The following PIGN variants were observed in gnomAD, a reference collection of about 807,000 sequenced individuals.
PIGN encodes the protein GPI ethanolamine phosphate transferase 1.
A neutral mutation model predicts 125.4 loss-of-function variants in PIGN; 117 were observed. That is an observed-to-expected ratio of 0.93 (90% CI 0.80 to 1.09). The LOEUF (loss-of-function observed/expected upper bound fraction) is 1.09, where lower values mean the gene tolerates loss of function less well. Among genes scored for constraint, PIGN ranks in the 50% least tolerant of loss-of-function variants. PIGN has a pLI of 0.00. For missense variants in PIGN, 1,075 were observed against 1,094.9 expected, an observed-to-expected ratio of 0.98 and a Z score of 0.26; for synonymous variants, 392 against 377.8, an observed-to-expected ratio of 1.04 and a Z score of -0.44.
rs2030521294 is a variant in PIGN, at chr18:62,044,479, T to C, written c.*1377A>G. 1 of 152,240 alleles carries C rather than the reference T, an allele frequency of 6.6e-6. No homozygotes were observed. Among genetic ancestry groups the C allele is most frequent in the Non-Finnish European group, 1.5e-5 (1 of 68,040 alleles). The allele number at this position is 152,240 out of a possible 1,614,324, so 9.4% of individuals were successfully genotyped here. ...AGATTTTATGCTATGAACTGATGCA[T>C]GAGATTTCATAAAACATTAATACCT... is the stretch of plus-strand genomic sequence containing the variant. On this transcript the variant is annotated 3_prime_UTR_variant, in exon 31 of 31. Transcript: ENST00000640252.
chr18:62,170,792 T>C (rs548835663), intron 1 of PIGN, among the ~76,000 whole-genome samples: 2 of 152,308 alleles, frequency 1.3e-5, no homozygotes, highest in Admixed American at 6.5e-5. Context: ...AGTTTGTAAA[T>C]GCAAAGGAAA....
intron 17 of PIGN, among the ~76,000 whole-genome samples, chr18:62,108,946 A>C (rs1456371931): frequency 6.6e-6 from 1 of 152,194 alleles, no homozygotes; most frequent in African/African-American, 2.4e-5. Context: ...AGTCAAAGCT[A>C]AAGTTAAGAA....
intron 25 of PIGN, among the ~76,000 whole-genome samples, chr18:62,086,860 C>T (rs1052013380): frequency 1.3e-5 from 2 of 150,154 alleles, no homozygotes; most frequent in African/African-American, 2.4e-5. Flanking sequence ...GCCACAGGGA[C>T]TTTAGAAGTG....
intron 4 of PIGN, among the ~76,000 whole-genome samples, chr18:62,160,297 G>A (rs991719606): frequency 1.3e-5 from 2 of 152,096 alleles, no homozygotes; most frequent in Non-Finnish European, 2.9e-5. Context: ...ATTGTTTGTA[G>A]GCCCTTTGTA....
At position 62,170,425 on chromosome 18, in the gene PIGN, CTATT is replaced by C. The variant is rs139639058; in HGVS notation, c.-235-6773_-235-6770del. On this transcript the variant is annotated intron_variant, in intron 1 of 30. Transcript: ENST00000640252. ...GCAATTATTTCAAACTTTTTCATTACTATTGTCAGTTATGTTGATCTACGATCAG... is the reference window on the plus strand; with the variant it reads ...GCAATTATTTCAAACTTTTTCATTACGTCAGTTATGTTGATCTACGATCAG... Among the ~76,000 whole-genome samples, 819 of 152,224 alleles carry C rather than the reference CTATT, an allele frequency of 5.4e-3. 4 individuals carry two copies. Among genetic ancestry groups the C allele is most frequent in the African/African-American group, 0.019 (776 of 41,534 alleles).
chr18:62,187,019 A>G lies in PIGN; in HGVS notation c.-411T>C, dbSNP rs554881990. 1.8e-3 allele frequency: 272 copies of G among 153,068 alleles called. No individual in the cohort carries two copies. Among genetic ancestry groups the G allele is most frequent in the East Asian group, 6.2e-3 (32 of 5,194 alleles). The allele number at this position is 153,068 out of a possible 1,614,324, so 9.5% of individuals were successfully genotyped here. Reference sequence around the variant, plus strand: ...ACCCCTCAATTCCGGAACGCCCCCAATACCTGCCCGGCCGCTGCTGCTATC... The same window carrying G: ...ACCCCTCAATTCCGGAACGCCCCCAGTACCTGCCCGGCCGCTGCTGCTATC... On this transcript the variant is annotated 5_prime_UTR_variant, in exon 1 of 31. Transcript: ENST00000640252.
chr18:62,139,877 C>G (rs2036072174), intron 12 of PIGN, among the ~76,000 whole-genome samples: 1 of 152,174 alleles, frequency 6.6e-6, no homozygotes, highest in South Asian at 2.1e-4. Context: ...TCCAGATATC[C>G]TGGTTCCAGG....
intron 14 of PIGN, among the ~76,000 whole-genome samples, chr18:62,117,544 GC>G (rs202150063): frequency 7.8e-5 from 11 of 140,660 alleles, no homozygotes; most frequent in Admixed American, 2.1e-4. Flanking sequence ...TTATTCCTCA[GC>G]CCCCCCCTCT....
chr18:62,022,037 G>C lies in PIGN; in HGVS notation c.2143-4296C>G, dbSNP rs573446741. Reference sequence around the variant, plus strand: ...TCTTAGTCCTTGAGGCTGCCGTCAGGCCCTGGCCATGTGGCCCTTCCACAA... The same window carrying C: ...TCTTAGTCCTTGAGGCTGCCGTCAGCCCCTGGCCATGTGGCCCTTCCACAA... On this transcript the variant is annotated intron_variant, in intron 23 of 24. Transcript: ENST00000639600. 3.0e-4 allele frequency among the ~76,000 whole-genome samples: 45 copies of C among 152,214 alleles called. 1 individual carries two copies. Among genetic ancestry groups the C allele is most frequent in the Admixed American group, 2.9e-3 (45 of 15,294 alleles).
rs753994789 is a variant in PIGN at position 62,107,054 on chromosome 18, C to T, written c.1606G>A (p.Val536Met). The T allele has an allele frequency of 1.0e-5, 16 of 1,588,082 alleles. No individual in the cohort carries two copies. The highest frequency in any genetic ancestry group is 1.7e-4 in the Middle Eastern group (1 of 6,044). Residue 536 changes from valine to methionine, a missense_variant, in exon 18 of 31, where the codon GTG becomes ATG. Val to Met is a conservative substitution (Grantham distance 21). Transcript: ENST00000640252. ...FQVIQDLVVS[V>M]LTYPLSHFVG... Reference sequence around the variant, plus strand: ...AAATGGCTCAGAGGATAGGTCAACACTGATACAACAAGGTCCTGAATAACT... The same window carrying T: ...AAATGGCTCAGAGGATAGGTCAACATTGATACAACAAGGTCCTGAATAACT...
At position 62,176,075 on chromosome 18, in the gene PIGN, A is replaced by G. The variant is rs185995443; in HGVS notation, c.-236+10769T>C. Among the ~76,000 whole-genome samples, 146 of 152,336 alleles carry G rather than the reference A, an allele frequency of 9.6e-4. 1 individual carries two copies. The highest frequency in any genetic ancestry group is 3.4e-3 in the African/African-American group (142 of 41,584). Reference sequence around the variant, plus strand: ...TTTTTATTTTTAAATAACTTATTTAATGAGATATATAACTAGGCTATAAAA... The same window carrying G: ...TTTTTATTTTTAAATAACTTATTTAGTGAGATATATAACTAGGCTATAAAA... On this transcript the variant is annotated intron_variant, in intron 1 of 30. Coordinates refer to ENST00000640252, the MANE Select transcript of PIGN (RefSeq NM_176787.5).
chr18:62,042,055 T>G lies in PIGN; in HGVS notation c.*3801A>C, dbSNP rs1366855958. 4.6e-5 allele frequency: 7 copies of G among 152,158 alleles called. No homozygotes were observed. Among genetic ancestry groups the G allele is most frequent in the South Asian group, 2.1e-4 (1 of 4,822 alleles). 9.4% of individuals were successfully genotyped at this position (152,158 alleles called of 1,614,324 possible). A position where few individuals can be genotyped will look rare whatever the true frequency, so the allele number is the denominator to read the frequency against. ...ACTCTTTTCAGCTGGGTGAGGCAGC[T>G]CACGCCTGTAATCCCAGCACTTTGG... is the stretch of plus-strand genomic sequence containing the variant. On this transcript the variant is annotated 3_prime_UTR_variant, in exon 31 of 31. Transcript: ENST00000640252.
chr18:62,028,822 G>A (rs2030158356), intron 23 of PIGN, among the ~76,000 whole-genome samples: 1 of 152,244 alleles, frequency 6.6e-6, no homozygotes, highest in Non-Finnish European at 1.5e-5. Flanking sequence ...ATTATCATCA[G>A]AGGAAGAAAG....
At chr18:62,025,989 A>G (rs950273075) in intron 23 of PIGN, among the ~76,000 whole-genome samples, 5 of 152,154 alleles carry the variant, frequency 3.3e-5, no homozygotes, top group African/African-American at 1.2e-4. Flanking sequence ...CCAGTATCAG[A>G]GCTGTGAAAT....
intron 23 of PIGN, among the ~76,000 whole-genome samples, chr18:62,035,170 C>G (rs1257781136): frequency 6.6e-6 from 1 of 152,160 alleles, no homozygotes; most frequent in African/African-American, 2.4e-5. Flanking sequence ...CACCTTCCAC[C>G]ATGATTGTGA....
chr18:62,079,226 G>A (rs1333765764), intron 28 of PIGN, among the ~76,000 whole-genome samples: 1 of 152,212 alleles, frequency 6.6e-6, no homozygotes, highest in African/African-American at 2.4e-5. Context: ...TCTCCTTAGA[G>A]AAGTCTCCCT....
chr18:62,161,213 C>T lies in PIGN; in HGVS notation c.141G>A (p.Val47=). The change falls in exon 4 of 31, where the codon GTG becomes GTA. Residue 47 remains valine, a synonymous_variant. Coordinates refer to ENST00000640252, the MANE Select transcript of PIGN (RefSeq NM_176787.5). ...CTCGAAGGCCATCAGCAACAAACAA[C>T]ACTAATCTTCTCGCTGGAGGAGGCA... is the stretch of plus-strand genomic sequence containing the variant. ...TPLPPPARRL[V]LFVADGLRAD... is the part of the protein sequence containing the mutation. The T allele has an allele frequency of 6.2e-7, 1 of 1,613,900 alleles. No homozygotes were observed. Among genetic ancestry groups the T allele is most frequent in the South Asian group, 1.1e-5 (1 of 91,076 alleles).
chr18:62,124,000 C>T (rs2035409241), intron 14 of PIGN, among the ~76,000 whole-genome samples: 2 of 151,806 alleles, frequency 1.3e-5, no homozygotes, highest in African/African-American at 4.8e-5. Context: ...AATTATGAGC[C>T]CTAATGCATG....
At chr18:62,120,307 A>C (rs1488337945) in intron 14 of PIGN, among the ~76,000 whole-genome samples, 14 of 152,214 alleles carry the variant, frequency 9.2e-5, no homozygotes, top group Admixed American at 9.2e-4. Context: ...AAGTTTCTGA[A>C]AGAAAATAAC....
Sources: allele counts gnomAD v4.1 joint callset (sites outside exome capture counted in the v4.1 genomes callset), GRCh38; gene constraint gnomAD v4.1.1; transcripts MANE v1.5; gene names NCBI Gene and HGNC (gene_info 2026-07-23, HGNC 2026-07-21).